The following PLEKHA6 variants were observed in gnomAD, a reference collection of about 807,000 sequenced individuals.
The protein encoded by PLEKHA6 is pleckstrin homology domain containing A6, also known as pleckstrin homology domain-containing family A member 6.
In PLEKHA6, 60 loss-of-function variants were observed where a neutral mutation model predicts 116.7. The observed-to-expected ratio is 0.51, with a 90% confidence interval of 0.42 to 0.64. PLEKHA6 has a LOEUF of 0.64. PLEKHA6 is among the 30% of genes least tolerant of loss of function. The probability of loss-of-function intolerance (pLI) is 0.00; values close to 1 mark genes in which losing one functional copy is unlikely to be tolerated. For missense variants in PLEKHA6, 1,338 were observed against 1,422.7 expected (o/e 0.94, Z 0.96); for synonymous variants, 489 against 556.1 (o/e 0.88, Z 1.70).
chr1:204,308,384 C>T (rs1354904773), intron 1 of PLEKHA6, among the ~76,000 whole-genome samples: 2 of 152,166 alleles, frequency 1.3e-5, no homozygotes, highest in Non-Finnish European at 2.9e-5. Flanking sequence ...TGCCATTGCA[C>T]TCCCACCTGG....
intron 3 of PLEKHA6, among the ~76,000 whole-genome samples, chr1:204,270,727 C>G (rs1161270881): frequency 2.0e-5 from 3 of 152,190 alleles, no homozygotes; most frequent in Non-Finnish European, 4.4e-5. Context: ...ACAAATAATC[C>G]TATTTCTCTC....
chr1:204,319,961 G>C (rs1487308941), intron 1 of PLEKHA6, among the ~76,000 whole-genome samples: 1 of 152,144 alleles, frequency 6.6e-6, no homozygotes, highest in Non-Finnish European at 1.5e-5. Flanking sequence ...CCCTCTGCGG[G>C]TCTAATTCTA....
chr1:204,301,483 C>CCAAA (rs1380547890), intron 1 of PLEKHA6: 2 of 985,406 alleles, frequency 2.0e-6, no homozygotes, highest in African/African-American at 3.5e-5. Flanking sequence ...CCCACAGAGT[C>CCAAA]CAAACACGCC....
chr1:204,339,841 A>C (rs1160815505), intron 1 of PLEKHA6, among the ~76,000 whole-genome samples: 1 of 152,238 alleles, frequency 6.6e-6, no homozygotes, highest in Non-Finnish European at 1.5e-5. Flanking sequence ...AATATTAAAC[A>C]AAAAAGAAAT....
intron 9 of PLEKHA6, chr1:204,251,564 T>C: frequency 1.4e-6 from 1 of 702,896 alleles, no homozygotes; most frequent in Non-Finnish European, 2.6e-6. Flanking sequence ...GGGAGGAGTT[T>C]TCCACCATGC....
chr1:204,229,584 T>G (rs1192120385), intron 18 of PLEKHA6, among the ~76,000 whole-genome samples: 1 of 152,104 alleles, frequency 6.6e-6, no homozygotes, highest in Non-Finnish European at 1.5e-5. Flanking sequence ...AGCTACTTGT[T>G]AAACATGTTT....
chr1:204,228,027 T>C lies in PLEKHA6; in HGVS notation c.3031+56A>G. On this transcript the variant is annotated intron_variant, in intron 21 of 22. Transcript: ENST00000272203. The surrounding 1 kb of genome is among the most constrained non-coding windows in gnomAD (Gnocchi z 4.0). ...TGTAGCAGTGCCACGCTTCCTCCCTTAAACCTGGTCAGCTGGTTTCCCTGG... is the reference window on the plus strand; with the variant it reads ...TGTAGCAGTGCCACGCTTCCTCCCTCAAACCTGGTCAGCTGGTTTCCCTGG... 1 of 1,582,692 alleles carries C rather than the reference T, an allele frequency of 6.3e-7. No homozygotes were observed. The highest frequency in any genetic ancestry group is 8.6e-7 in the Non-Finnish European group (1 of 1,163,414).
Position 204,228,859 on chromosome 1 carries a change from G to A in PLEKHA6, c.2754C>T (p.Leu918=). Residue 918 remains leucine, a splice_region_variant and synonymous_variant, in exon 20 of 23, where the codon CTC becomes CTT. Transcript: ENST00000272203. This position sits in a 1 kb window ranked among gnomAD's most constrained non-coding sequence, Gnocchi z 4.0. ...QHYDVDINKE[L]STPDKVLIPE... ...GGATGAGGACTTTGTCTGGAGTGGAGAGCTATGGAGGGGCTGGGGTCACCA... is the reference window on the plus strand; with the variant it reads ...GGATGAGGACTTTGTCTGGAGTGGAAAGCTATGGAGGGGCTGGGGTCACCA... 1 of 1,614,152 alleles carries A rather than the reference G, an allele frequency of 6.2e-7. No homozygotes were observed. The highest frequency in any genetic ancestry group is 1.7e-5 in the Admixed American group (1 of 60,022).
chr1:204,376,083 GTTAAC>G (rs368507921), intron 1 of PLEKHA6, among the ~76,000 whole-genome samples: 2 of 152,038 alleles, frequency 1.3e-5, no homozygotes, highest in African/African-American at 4.8e-5. Flanking sequence ...TATTCTCCCT[GTTAAC>G]TTAAAGTAAA....
chr1:204,282,580 T>C (rs1668739649), intron 1 of PLEKHA6: 1 of 918,496 alleles, frequency 1.1e-6, no homozygotes, highest in Non-Finnish European at 1.3e-6. Context: ...CAGGCCAGCA[T>C]CCTTTCTGGT....
chr1:204,303,267 C>A (rs1670992381), intron 1 of PLEKHA6, among the ~76,000 whole-genome samples: 1 of 152,136 alleles, frequency 6.6e-6, no homozygotes, highest in African/African-American at 2.4e-5. Context: ...TGAGAAAGCT[C>A]GAGAATCTGC....
At chr1:204,350,011 A>T (rs543301037) in intron 1 of PLEKHA6, among the ~76,000 whole-genome samples, 1 of 152,308 alleles carries the variant, frequency 6.6e-6, no homozygotes, top group South Asian at 2.1e-4. Context: ...GCAGTCAAAA[A>T]TTTCGATGTC....
intron 1 of PLEKHA6, among the ~76,000 whole-genome samples, chr1:204,289,950 A>G (rs1417367312): frequency 6.6e-6 from 1 of 152,248 alleles, no homozygotes; most frequent in African/African-American, 2.4e-5. Flanking sequence ...CACCATTTAT[A>G]ATAGCATAAA....
intron 1 of PLEKHA6, among the ~76,000 whole-genome samples, chr1:204,294,607 A>T (rs1315804045): frequency 3.9e-5 from 6 of 152,084 alleles, no homozygotes; most frequent in Non-Finnish European, 8.8e-5. Context: ...CCTTTCGTTT[A>T]TTTTTATTGA....
chr1:204,335,796 T>A (rs1558188477), intron 1 of PLEKHA6, among the ~76,000 whole-genome samples: 1 of 152,070 alleles, frequency 6.6e-6, no homozygotes, highest in Non-Finnish European at 1.5e-5. Flanking sequence ...AGGATGACAG[T>A]GTCCATGTGG....
intron 1 of PLEKHA6, among the ~76,000 whole-genome samples, chr1:204,372,093 G>A (rs1673788262): frequency 6.6e-6 from 1 of 152,210 alleles, no homozygotes; most frequent in Non-Finnish European, 1.5e-5. Flanking sequence ...GAGACTGCAT[G>A]AACCCATAGT....
intron 1 of PLEKHA6, among the ~76,000 whole-genome samples, chr1:204,286,388 G>A (rs1669179190): frequency 6.6e-6 from 1 of 152,110 alleles, no homozygotes. Flanking sequence ...GGGCATGGAG[G>A]CTGTGACAAG....
In PLEKHA6 at chr1:204,228,713, A is replaced by G. The variant is rs772996254; in HGVS notation, c.2885+15T>C. The G allele has an allele frequency of 1.2e-6, 2 of 1,613,424 alleles. No individual in the cohort carries two copies. Among genetic ancestry groups the G allele is most frequent in the African/African-American group, 2.7e-5 (2 of 74,868 alleles). On this transcript the variant is annotated intron_variant, in intron 20 of 22. Transcript: ENST00000272203. The surrounding 1 kb of genome is among the most constrained non-coding windows in gnomAD (Gnocchi z 4.0). ...GGGTGAGCAGAGGAAGTAGAGGCTCACCCAGGCTGGTTACCTGGATTTGGC... is the reference window on the plus strand; with the variant it reads ...GGGTGAGCAGAGGAAGTAGAGGCTCGCCCAGGCTGGTTACCTGGATTTGGC...
Position 204,268,322 on chromosome 1 carries a change from G to T in PLEKHA6, c.103-10C>A. 1 of 1,590,314 alleles carries T rather than the reference G, an allele frequency of 6.3e-7. No homozygotes were observed. The highest frequency in any genetic ancestry group is 8.6e-7 in the Non-Finnish European group (1 of 1,164,344). ...GGGCTGTGCGAGTTGCCTGGGGGCA[G>T]AGAGAGAAGCTGATCTAGGTCCCCA... is the stretch of plus-strand genomic sequence containing the variant. On this transcript the variant is annotated splice_polypyrimidine_tract_variant and intron_variant, in intron 3 of 22. Coordinates refer to ENST00000272203, the MANE Select transcript of PLEKHA6 (RefSeq NM_014935.5).
Sources: allele counts gnomAD v4.1 joint callset (sites outside exome capture counted in the v4.1 genomes callset), GRCh38; gene constraint gnomAD v4.1.1; non-coding constraint Gnocchi (gnomAD v3.1); transcripts MANE v1.5; gene names NCBI Gene and HGNC (gene_info 2026-07-23, HGNC 2026-07-21).